LARP4B: variants seen among roughly 807,000 people sequenced by gnomAD.
LARP4B encodes the protein La ribonucleoprotein 4B.
In LARP4B, 12 loss-of-function variants were observed where a neutral mutation model predicts 89.8. The observed-to-expected ratio is 0.13, with a 90% CI of 0.09 to 0.22. The LOEUF (loss-of-function observed/expected upper bound fraction) is 0.22, where lower values mean the gene tolerates loss of function less well. Among genes scored for constraint, LARP4B ranks in the 10% least tolerant of loss-of-function variants. The probability of loss-of-function intolerance (pLI) is 1.00; values close to 1 mark genes in which losing one functional copy is unlikely to be tolerated. For missense variants in LARP4B, 757 were observed against 947.7 expected, an observed-to-expected ratio of 0.80 and a Z score of 2.64; for synonymous variants, 367 against 363.3, an observed-to-expected ratio of 1.01 and a Z score of -0.12.
chr10:812,213 T>C lies in LARP4B; in HGVS notation c.*713A>G, dbSNP rs1352904899. 1 of 152,702 alleles carries C rather than the reference T, an allele frequency of 6.5e-6. No homozygotes were observed. The highest frequency in any genetic ancestry group is 1.5e-5 in the Non-Finnish European group (1 of 68,052). The allele number at this position is 152,702 out of a possible 1,614,324, so 9.5% of individuals were successfully genotyped here. A position where few individuals can be genotyped will look rare whatever the true frequency, so the allele number is the denominator to read the frequency against. ...GTTTTCATGTAGGTTCTATTCACAA[T>C]GTGCTTTGAATTTATATTACATAAT... On this transcript the variant is annotated 3_prime_UTR_variant, in exon 18 of 18. Coordinates refer to ENST00000316157, the MANE Select transcript of LARP4B (RefSeq NM_015155.3).
chr10:950,023 T>C, the LARP4B span, among the ~76,000 whole-genome samples: 4 of 152,156 alleles, frequency 2.6e-5, no homozygotes, highest in Admixed American at 6.5e-5. Flanking sequence ...CAATCCACCC[T>C]CCTTGGCCTT....
At chr10:903,896 G>A (rs1836411905) in intron 1 of LARP4B, among the ~76,000 whole-genome samples, 2 of 152,042 alleles carry the variant, frequency 1.3e-5, no homozygotes, top group Non-Finnish European at 2.9e-5. Context: ...AATCCTGTGC[G>A]GCTCAAATGG....
the LARP4B span, among the ~76,000 whole-genome samples, chr10:945,683 G>A: frequency 7.9e-5 from 9 of 113,952 alleles, no homozygotes; most frequent in South Asian, 3.5e-4. Flanking sequence ...GCGAGACTCC[G>A]TCTCAGAAAA....
chr10:896,238 A>C (rs1836185223), intron 1 of LARP4B, among the ~76,000 whole-genome samples: 1 of 152,250 alleles, frequency 6.6e-6, no homozygotes, highest in African/African-American at 2.4e-5. Context: ...CCACAAAGTC[A>C]AACCATTCTC....
At chr10:972,586 T>G in the LARP4B span, 3 of 457,196 alleles carry the variant, frequency 6.6e-6, no homozygotes, top group Admixed American at 7.0e-5. Context: ...AGCGTCAGAG[T>G]TAGACCAAGA....
intron 5 of LARP4B, among the ~76,000 whole-genome samples, chr10:851,494 T>G (rs1006281174): frequency 2.0e-4 from 30 of 152,282 alleles, no homozygotes; most frequent in African/African-American, 6.7e-4. Flanking sequence ...GAAAACACCT[T>G]TTGATAAGGT....
chr10:922,675 T>TTAAA (rs370807617), intron 1 of LARP4B, among the ~76,000 whole-genome samples: 27,608 of 146,092 alleles, frequency 0.19, 2,835 homozygotes, highest in East Asian at 0.34. Flanking sequence ...ACCCCGTCTG[T>TTAAA]TAAATAAATA....
the LARP4B span, among the ~76,000 whole-genome samples, chr10:983,204 C>T: frequency 1.3e-5 from 2 of 152,246 alleles, no homozygotes; most frequent in Admixed American, 6.5e-5. Flanking sequence ...GTACTGTTTA[C>T]AGATAACTCT....
chr10:828,470 G>T lies in LARP4B; in HGVS notation c.1125+915C>A, dbSNP rs575079970. On this transcript the variant is annotated intron_variant, in intron 11 of 17. Transcript: ENST00000316157. The stretch of plus-strand genomic sequence containing the variant: ...GCACTTGTTTTCTCAAGTTCTCTCT[G>T]CTCTGCACCTACCCTCCTTTTCTGC... Among the ~76,000 whole-genome samples the T allele has an allele frequency of 7.9e-5, 12 of 152,184 alleles. No individual in the cohort carries two copies. In the East Asian group the frequency reaches 2.3e-3, roughly 29 times the overall value.
At position 813,456 on chromosome 10, in the gene LARP4B, G is replaced by A. The variant is rs555492444; in HGVS notation, c.1930-243C>T. Among the ~76,000 whole-genome samples, 5 of 152,336 alleles carry A rather than the reference G, an allele frequency of 3.3e-5. No individual in the cohort carries two copies. The East Asian group carries it at 9.7e-4, about 29-fold the overall frequency. ...AAAAGGCATGACGAAGAAGAGTGCTGACTCAACACCATCCCTACCCAGCCC... is the reference window on the plus strand; with the variant it reads ...AAAAGGCATGACGAAGAAGAGTGCTAACTCAACACCATCCCTACCCAGCCC... On this transcript the variant is annotated intron_variant, in intron 17 of 17. Coordinates refer to ENST00000316157, the MANE Select transcript of LARP4B (RefSeq NM_015155.3).
intron 1 of LARP4B, among the ~76,000 whole-genome samples, chr10:918,873 G>A (rs1051031782): frequency 3.9e-5 from 6 of 152,052 alleles, no homozygotes; most frequent in Admixed American, 2.0e-4. Flanking sequence ...TCAGGAGATC[G>A]CAACCATCCT....
chr10:889,110 A>C (rs1835944928), intron 1 of LARP4B, among the ~76,000 whole-genome samples: 1 of 152,070 alleles, frequency 6.6e-6, no homozygotes, highest in African/African-American at 2.4e-5. Flanking sequence ...AAATAAAAAA[A>C]GAATATTCCT....
chr10:846,947 C>A (rs1266577499), intron 5 of LARP4B, among the ~76,000 whole-genome samples: 2 of 152,184 alleles, frequency 1.3e-5, no homozygotes, highest in African/African-American at 2.4e-5. Flanking sequence ...AGAGAATCAT[C>A]CACTATAACA....
At chr10:905,200 T>C (rs967628449) in intron 1 of LARP4B, among the ~76,000 whole-genome samples, 1 of 152,220 alleles carries the variant, frequency 6.6e-6, no homozygotes, top group Non-Finnish European at 1.5e-5. Flanking sequence ...CCTCAAGTTA[T>C]TAATACAGCC....
the LARP4B span, among the ~76,000 whole-genome samples, chr10:945,654 C>A: frequency 6.6e-6 from 1 of 150,848 alleles, no homozygotes; most frequent in Non-Finnish European, 1.5e-5. Context: ...CGCCACTGCA[C>A]TCCAGCCTGG....
intron 1 of LARP4B, among the ~76,000 whole-genome samples, chr10:926,995 G>A (rs1265148655): frequency 1.3e-5 from 2 of 151,410 alleles, no homozygotes; most frequent in East Asian, 1.9e-4. Context: ...AGCCGTGATC[G>A]TGCCAGTGCG....
chr10:936,258 A>T (rs955619034), upstream of LARP4B, among the ~76,000 whole-genome samples: 6 of 151,964 alleles, frequency 3.9e-5, no homozygotes, highest in African/African-American at 1.5e-4. Context: ...GAGGGTGAGG[A>T]TGAGGGATGG....
intron 11 of LARP4B, among the ~76,000 whole-genome samples, chr10:827,154 T>G (rs1422927456): frequency 6.6e-6 from 1 of 151,988 alleles, no homozygotes; most frequent in Admixed American, 6.5e-5. Flanking sequence ...CGGGCGCCTG[T>G]AGTCCCAGCT....
intron 3 of LARP4B, among the ~76,000 whole-genome samples, chr10:869,355 C>T (rs1402421489): frequency 6.6e-6 from 1 of 152,016 alleles, no homozygotes; most frequent in Admixed American, 6.6e-5. Flanking sequence ...GACAACACTG[C>T]GGCCAGGAAG....
Sources: gnomAD v4.1 joint callset for allele counts (sites outside exome capture counted in the v4.1 genomes callset) on GRCh38, gnomAD v4.1.1 for gene constraint, MANE v1.5 for transcripts, NCBI Gene and HGNC (gene_info 2026-07-23, HGNC 2026-07-21) for gene names.